The following SKOR1 variants were observed in gnomAD, a reference collection of about 807,000 sequenced individuals.
SKOR1 encodes the protein SKI family transcriptional corepressor 1, also known as LBX1 corepressor 1.
In SKOR1, 38 loss-of-function variants were observed where a neutral mutation model predicts 72.4. The ratio of observed to expected loss-of-function variants is 0.52; its 90% confidence interval spans 0.40 to 0.69. The LOEUF is 0.69. SKOR1 is among the 30% of genes least tolerant of loss of function. SKOR1 has a pLI of 0.00. For synonymous variants in SKOR1, 642 were observed against 599.4 expected (o/e 1.07, Z -1.04); for missense variants, 1,320 against 1,343.2 (o/e 0.98, Z 0.27).
At chr15:67,830,758 C>A (rs3959698) in intron 4 of SKOR1, 60 bp from the exon 5 acceptor site, 1 of 1,543,306 alleles carries the variant, frequency 6.5e-7, no homozygotes, top group Non-Finnish European at 9.0e-7. Context: ...GGAAGCTCAC[C>A]CCTCCCCTCT....
At position 67,832,409 on chromosome 15, in the gene SKOR1, G is replaced by A; in HGVS notation, c.2662+61G>A. The A allele has an allele frequency of 6.4e-7, 1 of 1,574,372 alleles. No homozygotes were observed. The highest frequency in any genetic ancestry group is 8.7e-7 in the Non-Finnish European group (1 of 1,146,796). ...ACCGAGCCTTCCACCAGGGTGCCCC[G>A]ACCTACTCCGAAAGCCGGGTGCCAG... On this transcript the variant is annotated intron_variant, in intron 6 of 8. Coordinates refer to ENST00000380035, the MANE Select transcript of SKOR1 (RefSeq NM_001365915.1). The surrounding 1 kb of genome is among the most constrained non-coding windows in gnomAD (Gnocchi z 4.5).
At position 67,827,214 on chromosome 15, in the gene SKOR1, G is replaced by T. The variant is rs770899192; in HGVS notation, c.1386G>T (p.Gly462=). The T allele has an allele frequency of 1.3e-6, 2 of 1,550,168 alleles. No individual in the cohort carries two copies. Among genetic ancestry groups the T allele is most frequent in the Admixed American group, 1.8e-5 (1 of 55,176 alleles). ...AGPGGGAMFW[G]HQPSGAAKDA... ...CGGGCGGCGGCGCCATGTTCTGGGG[G>T]CATCAACCCTCCGGGGCAGCCAAGG... The change falls in exon 2 of 9, where the codon GGG becomes GGT. Residue 462 remains glycine, a synonymous_variant. Transcript: ENST00000380035.
At position 67,827,359 on chromosome 15, in the gene SKOR1, A is replaced by G. The variant is rs765174790; in HGVS notation, c.1531A>G (p.Lys511Glu). The part of the protein sequence containing the change: ...PSYPAAQSQA[K>E]AVAAAVAAAA... ...CTACCCCGCTGCTCAGAGCCAAGCC[A>G]AGGCCGTGGCGGCAGCCGTGGCGGC... The change falls in exon 2 of 9, where the codon AAG becomes GAG. Residue 511 changes from lysine (K) to glutamate (E), a missense_variant. Lys to Glu is a moderately conservative substitution (Grantham distance 56). This residue lies in a region of SKOR1 where 1,099 missense variants were observed against 1,025.5 expected (regional missense o/e 1.07). Coordinates refer to ENST00000380035, the MANE Select transcript of SKOR1 (RefSeq NM_001365915.1). 1 of 1,576,078 alleles carries G rather than the reference A, an allele frequency of 6.3e-7. No individual in the cohort carries two copies. The highest frequency in any genetic ancestry group is 1.1e-5 in the South Asian group (1 of 88,924).
At chr15:67,830,414 G>A (rs1383618750) in intron 4 of SKOR1, 116 bp downstream of exon 4, 1 of 858,342 alleles carries the variant, frequency 1.2e-6, no homozygotes, top group Non-Finnish European at 1.9e-6. Flanking sequence ...GCGGCTGCCA[G>A]TCTTCTTCCT....
chr15:67,832,349 G>T lies in SKOR1; in HGVS notation c.2662+1G>T, dbSNP rs776735097. ...GAACGGGAATTTCAGAGTCTCAAAG[G>T]TACCCACTGCCATCCTGCCTCACCC... On this transcript the variant is annotated splice_donor_variant, in intron 6 of 8. Transcript: ENST00000380035. LOFTEE classifies it high-confidence loss of function. The surrounding 1 kb of genome is among the most constrained non-coding windows in gnomAD (Gnocchi z 4.5). 2.5e-6 allele frequency: 4 copies of T among 1,613,994 alleles called. No individual in the cohort carries two copies. The highest frequency in any genetic ancestry group is 2.2e-5 in the East Asian group (1 of 44,878).
rs1415570554 is a variant in SKOR1 at position 67,827,418 on chromosome 15, C to A, written c.1590C>A (p.Ser530Arg). 3 of 1,523,336 alleles carry A rather than the reference C, an allele frequency of 2.0e-6. No homozygotes were observed. The highest frequency in any genetic ancestry group is 2.8e-5 in the African/African-American group (2 of 70,684). 94.4% of individuals were successfully genotyped at this position (1,523,336 alleles called of 1,614,324 possible). A position where few individuals can be genotyped will look rare whatever the true frequency, so the allele number is the denominator to read the frequency against. Residue 530 changes from serine (S) to arginine (R), a missense_variant, in exon 2 of 9, where the codon AGC (serine) becomes AGA (arginine). Around this residue, in one of 3 missense-constraint regions of SKOR1, gnomAD observed 1,099 missense variants for 1,025.5 expected, o/e 1.07. Transcript: ENST00000380035. ...CGGCGGCAGCGGCAGCTGCTGGCAGCGGTGCCCCAGAGCCCCTGGACGGTG... is the reference window on the plus strand; with the variant it reads ...CGGCGGCAGCGGCAGCTGCTGGCAGAGGTGCCCCAGAGCCCCTGGACGGTG... ...AAAAAAAAAG[S>R]GAPEPLDGAE... is the part of the protein sequence containing the mutation.
At position 67,833,726 on chromosome 15, in the gene SKOR1, G is replaced by T; in HGVS notation, c.2804-16G>T. On this transcript the variant is annotated splice_polypyrimidine_tract_variant and intron_variant, in intron 8 of 8. Transcript: ENST00000380035. The surrounding 1 kb of genome is among the most constrained non-coding windows in gnomAD (Gnocchi z 6.0). ...TGGAGAGGCGCCCAGAGTGACCCTC[G>T]CGACTGTCTCCCCAGAAGCCCACGA... 6.2e-7 allele frequency: 1 copy of T among 1,612,994 alleles called. No homozygotes were observed. Among genetic ancestry groups the T allele is most frequent in the South Asian group, 1.1e-5 (1 of 91,068 alleles).
chr15:67,831,652 A>G (rs2091008379), intron 5 of SKOR1, among the ~76,000 whole-genome samples: 1 of 152,050 alleles, frequency 6.6e-6, no homozygotes, highest in African/African-American at 2.4e-5. Context: ...TAGCCCATAG[A>G]TGGTCTTGGG....
In SKOR1 at chr15:67,826,684, G is replaced by T; in HGVS notation, c.856G>T (p.Gly286Cys). 1 of 1,578,316 alleles carries T rather than the reference G, an allele frequency of 6.3e-7. No homozygotes were observed. Among genetic ancestry groups the T allele is most frequent in the African/African-American group, 1.3e-5 (1 of 74,188 alleles). ...GCGGACCTTCTCCCTACAAGGAGGCGGCGGAGGCGGTGCCAATGGCGGGTC... is the reference window on the plus strand; with the variant it reads ...GCGGACCTTCTCCCTACAAGGAGGCTGCGGAGGCGGTGCCAATGGCGGGTC... Reference protein sequence around the residue: ...RKRTFSLQGGGGGGANGGSGG... With the variant: ...RKRTFSLQGGCGGGANGGSGG... Residue 286 changes from glycine to cysteine, a missense_variant, in exon 2 of 9, where the codon GGC becomes TGC. Physicochemically the swap from Gly to Cys is radical, Grantham distance 159. This residue lies in a region of SKOR1 where 1,099 missense variants were observed against 1,025.5 expected (regional missense o/e 1.07). Coordinates refer to ENST00000380035, the MANE Select transcript of SKOR1 (RefSeq NM_001365915.1).
In SKOR1 at chr15:67,828,117, G is replaced by A. The variant is rs1415644084; in HGVS notation, c.2289G>A (p.Gly763=). The change falls in exon 2 of 9, where the codon GGG becomes GGA. Residue 763 remains glycine (G), a synonymous_variant. Coordinates refer to ENST00000380035, the MANE Select transcript of SKOR1 (RefSeq NM_001365915.1). ...GCTACGAGCTGCGAGAGCCTTGCGG[G>A]CCCCTAGGAGGCCCCGCGCCGGCCA... ...GGGYELREPC[G]PLGGPAPAKV... The A allele has an allele frequency of 7.3e-6, 11 of 1,503,522 alleles. No homozygotes were observed. Among genetic ancestry groups the A allele is most frequent in the East Asian group, 2.7e-5 (1 of 37,592 alleles). The allele number at this position is 1,503,522 out of a possible 1,614,324, so 93.1% of individuals were successfully genotyped here. A position where few individuals can be genotyped will look rare whatever the true frequency, so the allele number is the denominator to read the frequency against.
Position 67,828,884 on chromosome 15 carries a change from G to T in SKOR1, c.2317-295G>T, listed in dbSNP as rs1289338743. On this transcript the variant is annotated intron_variant, in intron 2 of 8. Transcript: ENST00000380035. ...TATGCCGCGGACGGGGCACTGGCGG[G>T]AGGGAAAATGCCTAAAAGGAGGCGG... Among the ~76,000 whole-genome samples the T allele has an allele frequency of 2.6e-5, 4 of 152,264 alleles. No individual in the cohort carries two copies. The South Asian group carries it at 6.2e-4, about 24-fold the overall frequency.
chr15:67,825,716 T>C lies in SKOR1; in HGVS notation c.107+7T>C, dbSNP rs2090952922. ...CAGCCCGGGCATTCCTGAGGTCTCCTTTACCCCTTCTCCTCCCCCAAGCCC... is the reference window on the plus strand; with the variant it reads ...CAGCCCGGGCATTCCTGAGGTCTCCCTTACCCCTTCTCCTCCCCCAAGCCC... On this transcript the variant is annotated splice_region_variant and intron_variant, in intron 1 of 8. Transcript: ENST00000380035. This position sits in a 1 kb window ranked among gnomAD's most constrained non-coding sequence, Gnocchi z 5.6. 1 of 803,874 alleles carries C rather than the reference T, an allele frequency of 1.2e-6. No individual in the cohort carries two copies. The allele number at this position is 803,874 out of a possible 1,614,324, so 49.8% of individuals were successfully genotyped here.
rs1460437017 is a variant in SKOR1 at position 67,828,119 on chromosome 15, C to T, written c.2291C>T (p.Pro764Leu). 2.7e-6 allele frequency: 4 copies of T among 1,500,804 alleles called. No homozygotes were observed. The highest frequency in any genetic ancestry group is 5.3e-5 in the East Asian group (2 of 37,414). The allele number at this position is 1,500,804 out of a possible 1,614,324, so 93.0% of individuals were successfully genotyped here. A position where few individuals can be genotyped will look rare whatever the true frequency, so the allele number is the denominator to read the frequency against. Residue 764 changes from proline (P) to leucine (L), a missense_variant, in exon 2 of 9, where the codon CCC becomes CTC. Coordinates refer to ENST00000380035, the MANE Select transcript of SKOR1 (RefSeq NM_001365915.1). ...TACGAGCTGCGAGAGCCTTGCGGGC[C>T]CCTAGGAGGCCCCGCGCCGGCCAAG... ...GGYELREPCG[P>L]LGGPAPAKVF...
chr15:67,829,284 G>A lies in SKOR1; in HGVS notation c.2407+15G>A, dbSNP rs768579964. 1.6e-5 allele frequency: 25 copies of A among 1,533,812 alleles called. No homozygotes were observed. Among genetic ancestry groups the A allele is most frequent in the South Asian group, 1.4e-4 (12 of 83,950 alleles). ...CGAGGCCCACGGTAACGCCTGTCGCGGCCGCTGGCCACTGTAATGGGGGAA... is the reference window on the plus strand; with the variant it reads ...CGAGGCCCACGGTAACGCCTGTCGCAGCCGCTGGCCACTGTAATGGGGGAA... On this transcript the variant is annotated intron_variant, in intron 3 of 8. Transcript: ENST00000380035.
chr15:67,834,364 TC>T lies in SKOR1; in HGVS notation c.*530del, dbSNP rs1361112763. 1.2e-5 allele frequency: 2 copies of T among 163,632 alleles called. No homozygotes were observed. Among genetic ancestry groups the T allele is most frequent in the African/African-American group, 4.8e-5 (2 of 41,916 alleles). 10.1% of individuals were successfully genotyped at this position (163,632 alleles called of 1,614,324 possible). On this transcript the variant is annotated 3_prime_UTR_variant, in exon 9 of 9. Coordinates refer to ENST00000380035, the MANE Select transcript of SKOR1 (RefSeq NM_001365915.1). This position sits in a 1 kb window ranked among gnomAD's most constrained non-coding sequence, Gnocchi z 5.8. ...GCTGTAAGTTATTTTTGCTTCCTTC[TC>T]CTGGACCCACTTCCAGTCCCGTTTT...
chr15:67,827,390 C>A lies in SKOR1; in HGVS notation c.1562C>A (p.Ala521Glu), dbSNP rs981595577. Residue 521 changes from alanine (A) to glutamate (E), a missense_variant, in exon 2 of 9, where the codon GCG becomes GAG. Coordinates refer to ENST00000380035, the MANE Select transcript of SKOR1 (RefSeq NM_001365915.1). ...GTGGCGGCAGCCGTGGCGGCGGCAG[C>A]GGCGGCGGCAGCGGCAGCTGCTGGC... ...KAVAAAVAAA[A>E]AAAAAAAGSG... 1.2e-5 allele frequency: 18 copies of A among 1,545,582 alleles called. No individual in the cohort carries two copies. In the African/African-American group the frequency reaches 2.1e-4, roughly 18 times the overall value.
intron 2 of SKOR1, 53 bp downstream of exon 2, chr15:67,828,197 G>C (rs993576867): frequency 5.1e-6 from 7 of 1,380,050 alleles, no homozygotes; most frequent in Non-Finnish European, 6.5e-6. Context: ...CCCTGTGCGC[G>C]GCAGGGCTGC....
chr15:67,829,759 G>A (rs1438349615), intron 3 of SKOR1, among the ~76,000 whole-genome samples: 1 of 152,218 alleles, frequency 6.6e-6, no homozygotes, highest in East Asian at 1.9e-4. Flanking sequence ...AGGGGTTGGG[G>A]GCAGCGGAAA....
Position 67,834,189 on chromosome 15 carries a change from A to C in SKOR1, c.*353A>C. ...AGCCTTGAACCCGATTGTGAATACAATGTAGCAACTTCGCTGGCGCCTGCC... is the reference window on the plus strand; with the variant it reads ...AGCCTTGAACCCGATTGTGAATACACTGTAGCAACTTCGCTGGCGCCTGCC... On this transcript the variant is annotated 3_prime_UTR_variant, in exon 9 of 9. Transcript: ENST00000380035. This position sits in a 1 kb window ranked among gnomAD's most constrained non-coding sequence, Gnocchi z 5.8. 8.6e-6 allele frequency: 3 copies of C among 348,208 alleles called. No homozygotes were observed. The highest frequency in any genetic ancestry group is 6.1e-5 in the East Asian group (1 of 16,272). 21.6% of individuals were successfully genotyped at this position (348,208 alleles called of 1,614,324 possible).
Sources: allele counts gnomAD v4.1 joint callset (sites outside exome capture counted in the v4.1 genomes callset), GRCh38; gene constraint gnomAD v4.1.1; regional missense constraint gnomAD v4.1.1; non-coding constraint Gnocchi (gnomAD v3.1); transcripts MANE v1.5; gene names NCBI Gene and HGNC (gene_info 2026-07-23, HGNC 2026-07-21).